The following ANKRD27 variants were observed in gnomAD, a reference collection of about 807,000 sequenced individuals.
ANKRD27 encodes the protein ankyrin repeat domain 27.
A neutral mutation model predicts 129.7 loss-of-function variants in ANKRD27; 112 were observed. The ratio of observed to expected loss-of-function variants is 0.86; its 90% confidence interval spans 0.74 to 1.01. The LOEUF (loss-of-function observed/expected upper bound fraction) is 1.01. Ranked by LOEUF, ANKRD27 falls within the 50% of genes least tolerant of loss-of-function variation. The pLI is 0.00. For synonymous variants in ANKRD27, 516 were observed against 511.2 expected (o/e 1.01, Z -0.13); for missense variants, 1,258 against 1,300.5 (o/e 0.97, Z 0.50).
intron 25 of ANKRD27, among the ~76,000 whole-genome samples, chr19:32,602,357 C>T (rs147718920): frequency 6.6e-5 from 10 of 152,084 alleles, no homozygotes; most frequent in African/African-American, 9.6e-5. Flanking sequence ...GTGGACTCCA[C>T]GCTGGGGATT....
intron 1 of ANKRD27, among the ~76,000 whole-genome samples, chr19:32,672,163 C>T (rs1967883232): frequency 1.3e-5 from 2 of 152,214 alleles, no homozygotes; most frequent in African/African-American, 4.8e-5. Context: ...GGGCTCTGAC[C>T]AAACACTCTG....
intron 18 of ANKRD27, among the ~76,000 whole-genome samples, chr19:32,620,694 C>T (rs942911993): frequency 6.6e-6 from 1 of 152,032 alleles, no homozygotes; most frequent in Non-Finnish European, 1.5e-5. Flanking sequence ...TGAGACCAGC[C>T]TGGCCAACAT....
intron 4 of ANKRD27, among the ~76,000 whole-genome samples, chr19:32,645,298 G>A (rs112941170): frequency 0.016 from 2,380 of 151,990 alleles, 57 homozygotes; most frequent in East Asian, 0.052. Flanking sequence ...TGTAATCCCC[G>A]CTACTCAGGA....
At chr19:32,626,570 G>T in intron 16 of ANKRD27, 142 bp downstream of exon 16, 1 of 597,162 alleles carries the variant, frequency 1.7e-6, no homozygotes, top group Non-Finnish European at 2.8e-6. Context: ...GACTACTGCT[G>T]CAGCAGAGCT....
rs369112683 is a variant in ANKRD27, at chr19:32,626,021, C to T, written c.1537-55G>A. 3.5e-5 allele frequency: 51 copies of T among 1,453,818 alleles called. No individual in the cohort carries two copies. In the South Asian group the frequency reaches 4.5e-4, roughly 13 times the overall value. The allele number at this position is 1,453,818 out of a possible 1,614,324, so 90.1% of individuals were successfully genotyped here. Reference sequence around the variant, plus strand: ...GGCACAGCCGGCTCCCTGGGAGGCCCGGCCTCCAGTCTTAGCAGGGGGAGG... The same window carrying T: ...GGCACAGCCGGCTCCCTGGGAGGCCTGGCCTCCAGTCTTAGCAGGGGGAGG... On this transcript the variant is annotated intron_variant, in intron 16 of 28. Transcript: ENST00000306065.
chr19:32,616,131 C>T (rs1232093405), intron 21 of ANKRD27, among the ~76,000 whole-genome samples: 2 of 152,076 alleles, frequency 1.3e-5, no homozygotes, highest in Admixed American at 6.6e-5. Context: ...CCCAGGAGTT[C>T]AAGGCTACTG....
intron 10 of ANKRD27, 26 bp downstream of exon 10, chr19:32,641,998 G>A: frequency 6.4e-7 from 1 of 1,554,148 alleles, no homozygotes; most frequent in Non-Finnish European, 8.7e-7. Flanking sequence ...TCTACCCCTT[G>A]GCCAGTCCCC....
At chr19:32,657,257 A>C (rs926679720) in intron 2 of ANKRD27, among the ~76,000 whole-genome samples, 1 of 151,866 alleles carries the variant, frequency 6.6e-6, no homozygotes, top group Admixed American at 6.6e-5. Context: ...AGGTCAGGAG[A>C]TCGAGACCAT....
chr19:32,624,311 G>A (rs1972057391), intron 17 of ANKRD27, among the ~76,000 whole-genome samples: 1 of 150,950 alleles, frequency 6.6e-6, no homozygotes. Context: ...AGGTTGCAGT[G>A]AGCCAAGATC....
chr19:32,642,044 G>C lies in ANKRD27; in HGVS notation c.884C>G (p.Thr295Arg), dbSNP rs1195769716. The C allele has an allele frequency of 6.2e-7, 1 of 1,608,040 alleles. No individual in the cohort carries two copies. The highest frequency in any genetic ancestry group is 1.7e-5 in the Admixed American group (1 of 59,544). ...VCLRKVVQLI[T>R]QSPSQRVNLE... ...CAAACCTCTCTGGCTTGGAGACTGT[G>C]TAATGAGCTGCACCACTTTTCGCAA... The change falls in exon 10 of 29, where the codon ACA becomes AGA. Residue 295 changes from threonine (T) to arginine (R), a missense_variant. Transcript: ENST00000306065.
intron 1 of ANKRD27, among the ~76,000 whole-genome samples, chr19:32,660,968 T>C (rs1297983533): frequency 2.6e-5 from 4 of 151,142 alleles, no homozygotes; most frequent in Non-Finnish European, 5.9e-5. Context: ...GAGGATGAGG[T>C]AGGAGGATCA....
intron 25 of ANKRD27, among the ~76,000 whole-genome samples, chr19:32,603,797 C>T (rs1971688065): frequency 6.6e-6 from 1 of 152,132 alleles, no homozygotes; most frequent in Non-Finnish European, 1.5e-5. Flanking sequence ...CCTTGGCCTC[C>T]CAAAGTGCTG....
At chr19:32,636,295 G>A (rs932144096) in intron 12 of ANKRD27, 1 of 159,888 alleles carries the variant, frequency 6.3e-6, no homozygotes, top group African/African-American at 2.4e-5. Context: ...CTGAACACCA[G>A]GTCAAACTAA....
rs375499161 is a variant in ANKRD27 at position 32,604,289 on chromosome 19, G to A, written c.2629C>T (p.Arg877Cys). Reference sequence around the variant, plus strand: ...TGTTCAGCACAGTCTACAGCCGTGCGCTGCCGCTTGTTCAGCACCTGAACT... The same window carrying A: ...TGTTCAGCACAGTCTACAGCCGTGCACTGCCGCTTGTTCAGCACCTGAACT... ...ASVQVLNKRQ[R>C]TAVDCAEQNS... Residue 877 changes from arginine to cysteine, a missense_variant, in exon 25 of 29, where the codon CGC (arginine) becomes TGC (cysteine). Coordinates refer to ENST00000306065, the MANE Select transcript of ANKRD27 (RefSeq NM_032139.3). 9.3e-6 allele frequency: 15 copies of A among 1,613,284 alleles called. No individual in the cohort carries two copies. The highest frequency in any genetic ancestry group is 1.8e-4 in the Middle Eastern group (1 of 5,548).
rs753118179 is a variant in ANKRD27, at chr19:32,615,783, G to T, written c.2053-3C>A. ...GTCCATTCCAACAGGTAACGCACCT[G>T]GTGATGGAGAGTAACGGAAACAGGA... On this transcript the variant is annotated splice_region_variant and splice_polypyrimidine_tract_variant and intron_variant, in intron 21 of 28. Coordinates refer to ENST00000306065, the MANE Select transcript of ANKRD27 (RefSeq NM_032139.3). The T allele has an allele frequency of 5.6e-6, 9 of 1,610,648 alleles. No homozygotes were observed. The East Asian group carries it at 2.0e-4, about 36-fold the overall frequency.
chr19:32,644,300 G>A (rs372982482), intron 5 of ANKRD27, 25 bp downstream of exon 5: 86 of 1,603,280 alleles, frequency 5.4e-5, no homozygotes, highest in Non-Finnish European at 7.2e-5. Flanking sequence ...GGGCACGCCA[G>A]GCAGAGGACA....
chr19:32,628,996 C>A (rs923287751), intron 13 of ANKRD27, 147 bp from the exon 14 acceptor site: 1 of 748,664 alleles, frequency 1.3e-6, no homozygotes, highest in Admixed American at 2.7e-5. Flanking sequence ...TCTCAGCTCA[C>A]TGCAACCTCT....
chr19:32,605,720 G>GGGGTTGAT (rs1971722318), intron 24 of ANKRD27, 115 bp downstream of exon 24: 4 of 1,415,484 alleles, frequency 2.8e-6, no homozygotes, highest in Non-Finnish European at 3.9e-6. Context: ...CCAGAGGCCT[G>GGGGTTGAT]GGGTTGATGG....
Position 32,664,733 on chromosome 19 carries a change from T to A in ANKRD27, c.-30-5688A>T, listed in dbSNP as rs866119422. On this transcript the variant is annotated intron_variant, in intron 1 of 28. Coordinates refer to ENST00000306065, the MANE Select transcript of ANKRD27 (RefSeq NM_032139.3). ...CACCACTTTGGAAGGTCAAAGCAGG[T>A]GGACTGCTTGAGTCCACGAGTTCGA... Among the ~76,000 whole-genome samples the A allele has an allele frequency of 1.9e-4, 28 of 150,188 alleles. 1 individual carries two copies. Among genetic ancestry groups the A allele is most frequent in the Middle Eastern group, 7.0e-3 (2 of 286 alleles).
Sources: gnomAD v4.1 joint callset for allele counts (sites outside exome capture counted in the v4.1 genomes callset) on GRCh38, gnomAD v4.1.1 for gene constraint, MANE v1.5 for transcripts, NCBI Gene and HGNC (gene_info 2026-07-23, HGNC 2026-07-21) for gene names.